Variants in ZNF717 observed in about 807,000 individuals in gnomAD.
ZNF717 encodes the protein krueppel-like factor X17.
Under a neutral mutation model 13.8 loss-of-function variants are expected in ZNF717, and 9 were observed. The ratio of observed to expected loss-of-function variants is 0.65; its 90% CI spans 0.39 to 1.14. The LOEUF is 1.14. ZNF717 is among the 50% of genes most tolerant of loss of function. ZNF717 has a pLI of 0.01. For missense variants in ZNF717, 1,040 were observed against 1,080.7 expected, an observed-to-expected ratio of 0.96 and a Z score of 0.53; for synonymous variants, 327 against 364.1, an observed-to-expected ratio of 0.90 and a Z score of 1.16.
rs372757676 is a variant in ZNF717, at chr3:75,766,357, T to C, written c.57+16949A>G. Reference sequence around the variant, plus strand: ...TCATAAAAAGATGGTATCCAGACACTAATCATAAAAAGCTTCAATGGAGAT... The same window carrying C: ...TCATAAAAAGATGGTATCCAGACACCAATCATAAAAAGCTTCAATGGAGAT... On this transcript the variant is annotated intron_variant, in intron 2 of 4. Transcript: ENST00000652011. Among the ~76,000 whole-genome samples the C allele has an allele frequency of 5.9e-5, 9 of 152,072 alleles. No homozygotes were observed. The South Asian group carries it at 1.2e-3, about 21-fold the overall frequency.
intron 2 of ZNF717, among the ~76,000 whole-genome samples, chr3:75,781,151 AC>A (rs1267892894): frequency 6.6e-6 from 1 of 152,264 alleles, no homozygotes; most frequent in African/African-American, 2.4e-5. Flanking sequence ...ACTGCAACCT[AC>A]CTTAATAGGT....
chr3:75,752,625 T>C (rs1941982201), intron 2 of ZNF717, among the ~76,000 whole-genome samples: 1 of 118,390 alleles, frequency 8.4e-6, no homozygotes, highest in South Asian at 2.7e-4. Flanking sequence ...AGCACTCTGC[T>C]GTGGTCTTAA....
intron 6 of ZNF717, among the ~76,000 whole-genome samples, chr3:75,695,941 T>C (rs1181067742): frequency 6.6e-6 from 1 of 151,354 alleles, no homozygotes; most frequent in Admixed American, 6.6e-5. Flanking sequence ...CCAAGCCAAA[T>C]CCAAAATTAG....
intron 4 of ZNF717, among the ~76,000 whole-genome samples, chr3:75,720,510 C>T (rs1357900847): frequency 1.3e-5 from 2 of 152,096 alleles, no homozygotes; most frequent in Non-Finnish European, 2.9e-5. Flanking sequence ...TGGGGCAAGA[C>T]CTGAGAAGCT....
In ZNF717 at chr3:75,737,950, G is replaced by C; in HGVS notation, c.1673C>G (p.Thr558Arg). The C allele has an allele frequency of 6.4e-7, 1 of 1,555,260 alleles. No individual in the cohort carries two copies. The highest frequency in any genetic ancestry group is 8.7e-7 in the Non-Finnish European group (1 of 1,149,354). The stretch of plus-strand genomic sequence containing the variant: ...ATTACATTCATAGGGTTTTTCCCCT[G>C]TGTGAGTTCTGTGATGTACTGTAAG... ...SYLTVHHRTH[T>R]GEKPYECNEC... is the part of the protein sequence containing the mutation. Residue 558 changes from threonine (T) to arginine (R), a missense_variant, in exon 5 of 5, where the codon ACA becomes AGA. Coordinates refer to ENST00000652011, the MANE Select transcript of ZNF717 (RefSeq NM_001290208.3).
At chr3:75,715,978 G>T (rs902633634) in intron 5 of ZNF717, among the ~76,000 whole-genome samples, 11 of 143,960 alleles carry the variant, frequency 7.6e-5, no homozygotes, top group Admixed American at 2.8e-4. Context: ...TTGTTTTTTT[G>T]TTTTTTTTTT....
At position 75,737,225 on chromosome 3, in the gene ZNF717, CTG is replaced by C. The variant is rs943707078; in HGVS notation, c.2396_2397del (p.Thr799SerfsTer12). The C allele has an allele frequency of 2.6e-6, 4 of 1,553,142 alleles. No individual in the cohort carries two copies. Among genetic ancestry groups the C allele is most frequent in the African/African-American group, 2.7e-5 (2 of 72,992 alleles). Reference protein sequence around the residue: ...DECRKTFYDKTVLTIHQRTHT... With the variant: ...DECRKTFYDKXVLTIHQRTHT... ...TGAGTTCTCTGATGTATGGTGAGAA[CTG>C]TCTTATCGTAAAAAGTTTTCCTACA... On this transcript the variant is annotated frameshift_variant, in exon 5 of 5. Transcript: ENST00000652011. LOFTEE classifies it low-confidence loss of function (END_TRUNC).
chr3:75,739,244 T>C lies in ZNF717; in HGVS notation c.379A>G (p.Arg127Gly). 6.5e-7 allele frequency: 1 copy of C among 1,544,248 alleles called. No individual in the cohort carries two copies. The highest frequency in any genetic ancestry group is 8.7e-7 in the Non-Finnish European group (1 of 1,143,732). ...ITNSNTSTQE[R>G]VELGKTFNLN... ...TTAAATGTTTTTCCTAATTCAACTC[T>C]CTCCTGAGTTGATGTGTTGCTGTTG... is the stretch of plus-strand genomic sequence containing the variant. Residue 127 changes from arginine to glycine, a missense_variant, in exon 5 of 5, where the codon AGA (arginine) becomes GGA (glycine). Physicochemically the swap from Arg to Gly is moderately radical, Grantham distance 125. Transcript: ENST00000652011.
chr3:75,706,134 A>AT (rs1937798798), downstream of ZNF717, among the ~76,000 whole-genome samples: 8 of 152,304 alleles, frequency 5.3e-5, no homozygotes, highest in South Asian at 2.1e-4. Context: ...CCTTGAAGGA[A>AT]TAAAAAAAAA....
intron 4 of ZNF717, among the ~76,000 whole-genome samples, chr3:75,740,157 C>T (rs2107160349): frequency 6.6e-6 from 1 of 152,148 alleles, no homozygotes; most frequent in East Asian, 1.9e-4. Flanking sequence ...GATAATTCAC[C>T]ATTTTTGAAG....
intron 2 of ZNF717, among the ~76,000 whole-genome samples, chr3:75,768,761 C>T (rs1463198161): frequency 6.6e-6 from 1 of 151,298 alleles, no homozygotes; most frequent in East Asian, 2.0e-4. Context: ...ATTCAGTCCT[C>T]ACTGTGGCTG....
At chr3:75,772,748 G>A (rs58014183) in intron 2 of ZNF717, among the ~76,000 whole-genome samples, 14,623 of 123,090 alleles carry the variant, frequency 0.12, 1,134 homozygotes, top group African/African-American at 0.23. Context: ...AGCATGAGCC[G>A]AGTGGACAGA....
chr3:75,752,716 C>G (rs371536034), intron 2 of ZNF717, among the ~76,000 whole-genome samples: 23 of 106,392 alleles, frequency 2.2e-4, no homozygotes, highest in East Asian at 1.1e-3. Flanking sequence ...CCAGAACACT[C>G]CTGCTATGGT....
intron 2 of ZNF717, among the ~76,000 whole-genome samples, chr3:75,762,317 T>C (rs1943102576): frequency 6.6e-6 from 1 of 151,772 alleles, no homozygotes; most frequent in South Asian, 2.1e-4. Context: ...GGCGTGCACC[T>C]GTGATCCCAG....
At chr3:75,703,491 T>C in intron 6 of ZNF717, among the ~76,000 whole-genome samples, 1 of 152,190 alleles carries the variant, frequency 6.6e-6, no homozygotes, top group Admixed American at 6.5e-5. Flanking sequence ...GATGGTGCAC[T>C]GCACTCCAGC....
intron 6 of ZNF717, among the ~76,000 whole-genome samples, chr3:75,701,645 G>T (rs1575711211): frequency 6.6e-6 from 1 of 152,310 alleles, no homozygotes; most frequent in South Asian, 2.1e-4. Flanking sequence ...AGCAGAGATT[G>T]CGCCACTGCA....
chr3:75,748,150 T>G (rs1575813434), intron 2 of ZNF717, among the ~76,000 whole-genome samples: 1 of 152,246 alleles, frequency 6.6e-6, no homozygotes, highest in Admixed American at 6.5e-5. Flanking sequence ...CAGGAGGAAG[T>G]TGAATCTCTT....
intron 2 of ZNF717, among the ~76,000 whole-genome samples, chr3:75,773,085 G>A (rs1044257136): frequency 1.3e-5 from 2 of 152,140 alleles, no homozygotes; most frequent in Admixed American, 6.5e-5. Flanking sequence ...TGGGTCAGAA[G>A]GAAAGTGGAG....
At chr3:75,718,869 A>G (rs538615646) in intron 4 of ZNF717, among the ~76,000 whole-genome samples, 23 of 152,294 alleles carry the variant, frequency 1.5e-4, no homozygotes, top group African/African-American at 5.5e-4. Context: ...ATACCTGTCC[A>G]TGGCCCAGGG....
Sources: gnomAD v4.1 joint callset for allele counts (sites outside exome capture counted in the v4.1 genomes callset) on GRCh38, gnomAD v4.1.1 for gene constraint, MANE v1.5 for transcripts, NCBI Gene and HGNC (gene_info 2026-07-23, HGNC 2026-07-21) for gene names.